Variants in PRR16 observed in about 807,000 individuals in gnomAD.
The protein encoded by PRR16 is proline rich 16.
Under a neutral mutation model 18.2 loss-of-function variants are expected in PRR16, and 6 were observed. The ratio of observed to expected loss-of-function variants is 0.33; its 90% confidence interval spans 0.18 to 0.65. The LOEUF is 0.65. Among genes scored for constraint, PRR16 ranks in the 30% least tolerant of loss-of-function variants. The pLI is 0.74. For missense variants in PRR16, 412 were observed against 376.6 expected, an observed-to-expected ratio of 1.09 and a Z score of -0.78; for synonymous variants, 151 against 147.8, an observed-to-expected ratio of 1.02 and a Z score of -0.16.
At chr5:120,719,934 A>T in the PRR16 span, among the ~76,000 whole-genome samples, 1 of 152,138 alleles carries the variant, frequency 6.6e-6, no homozygotes, top group East Asian at 1.9e-4. Flanking sequence ...ATATTTACCA[A>T]ATTTGTTCTT....
intron 1 of PRR16, among the ~76,000 whole-genome samples, chr5:120,682,385 C>A (rs1442127160): frequency 2.0e-5 from 3 of 151,936 alleles, no homozygotes; most frequent in Non-Finnish European, 4.4e-5. Context: ...AAAGTGAGGC[C>A]CTTTCATGGA....
chr5:120,760,433 ATTAGT>A, the PRR16 span, among the ~76,000 whole-genome samples: 14 of 152,050 alleles, frequency 9.2e-5, no homozygotes, highest in Non-Finnish European at 1.8e-4. Context: ...TCCCCCTCAT[ATTAGT>A]TTAAAGCATA....
At chr5:120,711,400 T>C in the PRR16 span, among the ~76,000 whole-genome samples, 1 of 152,280 alleles carries the variant, frequency 6.6e-6, no homozygotes, top group East Asian at 1.9e-4. Context: ...GATTAACTAT[T>C]GGTTGGATGA....
the PRR16 span, among the ~76,000 whole-genome samples, chr5:120,765,287 TTAA>T: frequency 1.3e-5 from 2 of 151,984 alleles, no homozygotes; most frequent in African/African-American, 4.8e-5. Flanking sequence ...CCAAATAGAC[TTAA>T]AAGAAGTTGA....
chr5:120,611,613 T>A (rs1754337019), intron 1 of PRR16, among the ~76,000 whole-genome samples: 1 of 152,306 alleles, frequency 6.6e-6, no homozygotes, highest in South Asian at 2.1e-4. Context: ...CATGTGGTGT[T>A]GAGCCTGCAA....
At chr5:120,689,936 A>G (rs537784959), downstream of PRR16, among the ~76,000 whole-genome samples, 11 of 152,134 alleles carry the variant, frequency 7.2e-5, no homozygotes, top group Non-Finnish European at 1.5e-4. Context: ...CCAAATCTAA[A>G]AATATGTTCA....
At chr5:120,771,526 T>G in the PRR16 span, among the ~76,000 whole-genome samples, 2 of 152,230 alleles carry the variant, frequency 1.3e-5, no homozygotes, top group African/African-American at 4.8e-5. Context: ...GATGTCTCTA[T>G]GGAAACCTAA....
the PRR16 span, among the ~76,000 whole-genome samples, chr5:120,783,794 A>G: frequency 6.6e-6 from 1 of 152,154 alleles, no homozygotes; most frequent in South Asian, 2.1e-4. Context: ...CTACTGTGCT[A>G]CCAAACACTA....
At chr5:120,663,816 A>G (rs1185069757) in intron 1 of PRR16, among the ~76,000 whole-genome samples, 1 of 152,160 alleles carries the variant, frequency 6.6e-6, no homozygotes, top group Admixed American at 6.6e-5. Flanking sequence ...GCTAAGCAAT[A>G]AAACAACTTG....
chr5:120,529,321 A>T (rs879012076), intron 1 of PRR16, among the ~76,000 whole-genome samples: 1 of 152,190 alleles, frequency 6.6e-6, no homozygotes, highest in African/African-American at 2.4e-5. Context: ...ATGCGGAGGC[A>T]CAGGGGGATA....
At chr5:120,729,759 G>A in the PRR16 span, among the ~76,000 whole-genome samples, 3 of 152,142 alleles carry the variant, frequency 2.0e-5, no homozygotes, top group Admixed American at 6.6e-5. Context: ...AAACATGAGC[G>A]AAGACAGGGA....
intron 1 of PRR16, among the ~76,000 whole-genome samples, chr5:120,559,878 G>T (rs1213923743): frequency 6.6e-6 from 1 of 151,484 alleles, no homozygotes; most frequent in African/African-American, 2.4e-5. Context: ...CACTTCTTGG[G>T]TGAAATTTAA....
At position 120,540,523 on chromosome 5, in the gene PRR16, G is replaced by C. The variant is rs111352884; in HGVS notation, c.159+75878G>C. On this transcript the variant is annotated intron_variant, in intron 1 of 1. Coordinates refer to ENST00000407149, the MANE Select transcript of PRR16 (RefSeq NM_001300783.2). ...GTTAGTATTTTGGTCACGTAGCCTT[G>C]TATACTGTCCCTTGAAAATATGATG... Among the ~76,000 whole-genome samples the C allele has an allele frequency of 2.9e-3, 438 of 152,184 alleles. 3 individuals are homozygous for C. The highest frequency in any genetic ancestry group is 0.01 in the African/African-American group (421 of 41,512).
At chr5:120,742,537 A>G in the PRR16 span, among the ~76,000 whole-genome samples, 1 of 151,914 alleles carries the variant, frequency 6.6e-6, no homozygotes, top group Non-Finnish European at 1.5e-5. Context: ...TAAACAAAAA[A>G]TTCTTAATTT....
chr5:120,652,003 A>C (rs550376267), intron 1 of PRR16, among the ~76,000 whole-genome samples: 38 of 152,022 alleles, frequency 2.5e-4, no homozygotes, highest in African/African-American at 7.0e-4. Flanking sequence ...CTTTTATTTC[A>C]TTGAGCAGTG....
chr5:120,492,659 C>G (rs1382489682), intron 1 of PRR16, among the ~76,000 whole-genome samples: 1 of 151,940 alleles, frequency 6.6e-6, no homozygotes, highest in Non-Finnish European at 1.5e-5. Context: ...TTTTAGTGCA[C>G]CCATCACCTG....
At chr5:120,783,609 G>T in the PRR16 span, among the ~76,000 whole-genome samples, 1 of 152,172 alleles carries the variant, frequency 6.6e-6, no homozygotes, top group East Asian at 1.9e-4. Context: ...ATAGTTGTAT[G>T]TATTTAAGGG....
the PRR16 span, among the ~76,000 whole-genome samples, chr5:120,754,777 T>C: frequency 6.7e-6 from 1 of 150,160 alleles, no homozygotes; most frequent in Non-Finnish European, 1.5e-5. Context: ...TCTTTACTTT[T>C]CTTTATTGCT....
chr5:120,650,391 A>G (rs1580831854), intron 1 of PRR16, among the ~76,000 whole-genome samples: 1 of 150,872 alleles, frequency 6.6e-6, no homozygotes, highest in South Asian at 2.1e-4. Context: ...GGTTTGTTAC[A>G]TATGTATACA....
Sources: allele counts gnomAD v4.1 joint callset (sites outside exome capture counted in the v4.1 genomes callset), GRCh38; gene constraint gnomAD v4.1.1; transcripts MANE v1.5; gene names NCBI Gene and HGNC (gene_info 2026-07-23, HGNC 2026-07-21).